COG5: variants seen among roughly 807,000 people sequenced by gnomAD.
COG5 encodes component of oligomeric golgi complex 5.
Under a neutral mutation model 110.4 loss-of-function variants are expected in COG5, and 86 were observed. The ratio of observed to expected loss-of-function variants is 0.78; its 90% CI spans 0.65 to 0.93. The LOEUF (loss-of-function observed/expected upper bound fraction) is 0.93, where lower values mean the gene tolerates loss of function less well. Ranked by LOEUF, COG5 falls within the 40% of genes least tolerant of loss-of-function variation. The pLI is 0.00. For synonymous variants in COG5, 360 were observed against 334.6 expected, an observed-to-expected ratio of 1.08 and a Z score of -0.83; for missense variants, 1,077 against 987.0, an observed-to-expected ratio of 1.09 and a Z score of -1.22.
chr7:107,286,832 CT>C (rs754918216), intron 12 of COG5, among the ~76,000 whole-genome samples: 2 of 152,190 alleles, frequency 1.3e-5, no homozygotes, highest in Middle Eastern at 3.4e-3. Context: ...TAATCTATCT[CT>C]TCTTATCCCA....
rs1421307642 is a variant in COG5, at chr7:107,264,281, G to GTT, written c.1576-5900_1576-5899dup. Among the ~76,000 whole-genome samples, 20 of 152,158 alleles carry GTT rather than the reference G, an allele frequency of 1.3e-4. No individual in the cohort carries two copies. In the East Asian group the frequency reaches 3.9e-3, roughly 29 times the overall value. On this transcript the variant is annotated intron_variant, in intron 14 of 21. Transcript: ENST00000297135. Reference sequence around the variant, plus strand: ...GCAATTCCCGATCTACATCACATCAGTTTTTTAGATATACAGTTCAATGAT... The same window carrying GTT: ...GCAATTCCCGATCTACATCACATCAGTTTTTTTTAGATATACAGTTCAATGAT...
At chr7:107,339,228 G>A (rs1327092713) in intron 10 of COG5, among the ~76,000 whole-genome samples, 1 of 151,898 alleles carries the variant, frequency 6.6e-6, no homozygotes, top group East Asian at 1.9e-4. Context: ...ACTGTTCTTA[G>A]GTCAGATAAA....
intron 18 of COG5, among the ~76,000 whole-genome samples, chr7:107,235,646 T>C (rs539099280): frequency 6.6e-5 from 10 of 152,278 alleles, no homozygotes; most frequent in African/African-American, 2.2e-4. Context: ...GAGGTTGCAG[T>C]GAGCTGAGAT....
chr7:107,414,742 T>C (rs959092664), intron 6 of COG5, among the ~76,000 whole-genome samples: 3 of 125,212 alleles, frequency 2.4e-5, no homozygotes, highest in South Asian at 2.6e-4. Context: ...TTTTTTTTTT[T>C]TCCGAGACTC....
chr7:107,553,768 A>C (rs964590996), intron 3 of COG5, among the ~76,000 whole-genome samples: 1 of 152,224 alleles, frequency 6.6e-6, no homozygotes, highest in Non-Finnish European at 1.5e-5. Context: ...GGCTCCAAGA[A>C]AGGCAAAAAT....
intron 17 of COG5, 64 bp downstream of exon 17, chr7:107,248,332 A>C (rs1802204745): frequency 2.0e-6 from 2 of 1,021,076 alleles, no homozygotes; most frequent in African/African-American, 3.1e-5. Flanking sequence ...GGGAGTAAGC[A>C]TAGAGGTGGG....
chr7:107,237,103 A>G (rs1264590990), intron 17 of COG5, among the ~76,000 whole-genome samples: 1 of 152,188 alleles, frequency 6.6e-6, no homozygotes, highest in Non-Finnish European at 1.5e-5. Context: ...ATGCTTTGCA[A>G]TGACAGAAAA....
chr7:107,511,051 G>A (rs2129143994), intron 6 of COG5, among the ~76,000 whole-genome samples: 1 of 149,476 alleles, frequency 6.7e-6, no homozygotes, highest in African/African-American at 2.4e-5. Flanking sequence ...AATCAGAGCA[G>A]AACTGAAGGA....
intron 7 of COG5, among the ~76,000 whole-genome samples, chr7:107,405,089 T>G (rs933688945): frequency 6.6e-6 from 1 of 152,122 alleles, no homozygotes; most frequent in Non-Finnish European, 1.5e-5. Context: ...ATAAACTGCT[T>G]GGTCTTACTA....
chr7:107,481,781 A>G (rs1797365726), intron 6 of COG5, among the ~76,000 whole-genome samples: 2 of 152,308 alleles, frequency 1.3e-5, no homozygotes, highest in South Asian at 4.1e-4. Flanking sequence ...ACAAAATGCT[A>G]GCAAACTGTA....
chr7:107,524,709 T>C (rs1163168222), intron 6 of COG5, among the ~76,000 whole-genome samples: 1 of 152,216 alleles, frequency 6.6e-6, no homozygotes, highest in East Asian at 1.9e-4. Context: ...TTTGCAAATA[T>C]TAAATCACAC....
Position 107,202,634 on chromosome 7 carries a change from C to A in COG5, c.*882G>T, listed in dbSNP as rs1001776785. On this transcript the variant is annotated 3_prime_UTR_variant, in exon 22 of 22. Transcript: ENST00000297135. The stretch of plus-strand genomic sequence containing the variant: ...TGAGATGGAAAACATAAGGCAAATT[C>A]CTAACACTGCTAATTAGGAGGCTGC... 1.1e-4 allele frequency: 17 copies of A among 152,118 alleles called. No homozygotes were observed. The highest frequency in any genetic ancestry group is 1.0e-3 in the Admixed American group (16 of 15,256). 9.4% of individuals were successfully genotyped at this position (152,118 alleles called of 1,614,324 possible).
rs904702211 is a variant in COG5 at position 107,202,907 on chromosome 7, G to C, written c.*609C>G. 2 of 152,434 alleles carry C rather than the reference G, an allele frequency of 1.3e-5. No homozygotes were observed. Among genetic ancestry groups the C allele is most frequent in the Non-Finnish European group, 2.9e-5 (2 of 68,502 alleles). 9.4% of individuals were successfully genotyped at this position (152,434 alleles called of 1,614,324 possible). Reference sequence around the variant, plus strand: ...ATACTTAAAAAGGCCATTTAACCTTGTATCTTAGCTTGGGATGTGCCAGTG... The same window carrying C: ...ATACTTAAAAAGGCCATTTAACCTTCTATCTTAGCTTGGGATGTGCCAGTG... On this transcript the variant is annotated 3_prime_UTR_variant, in exon 22 of 22. Transcript: ENST00000297135.
At chr7:107,539,194 C>T (rs1801804413) in intron 5 of COG5, among the ~76,000 whole-genome samples, 2 of 152,030 alleles carry the variant, frequency 1.3e-5, no homozygotes, top group Admixed American at 6.6e-5. Context: ...AGGCTGCACT[C>T]CAGCCTGGAT....
At chr7:107,328,412 G>C (rs1277023561) in intron 10 of COG5, among the ~76,000 whole-genome samples, 1 of 152,154 alleles carries the variant, frequency 6.6e-6, no homozygotes, top group African/African-American at 2.4e-5. Flanking sequence ...GTGTATGACT[G>C]TACTTACAAT....
chr7:107,449,825 C>A (rs566541105), intron 6 of COG5, among the ~76,000 whole-genome samples: 36 of 152,288 alleles, frequency 2.4e-4, no homozygotes, highest in African/African-American at 8.2e-4. Flanking sequence ...GCTACAGCAG[C>A]ACTTTTTGCA....
At position 107,210,404 on chromosome 7, in the gene COG5, C is replaced by A. The variant is rs941219133; in HGVS notation, c.2375+122G>T. 1.3e-5 allele frequency: 19 copies of A among 1,483,472 alleles called. 1 individual carries two copies. The South Asian group carries it at 2.4e-4, about 19-fold the overall frequency. 91.9% of individuals were successfully genotyped at this position (1,483,472 alleles called of 1,614,324 possible). A position where few individuals can be genotyped will look rare whatever the true frequency, so the allele number is the denominator to read the frequency against. The stretch of plus-strand genomic sequence containing the variant: ...CCCGTGCCTAGGCAGTGAGGTGGCC[C>A]GCCACTGGAAGGTGCAGTCACATGT... On this transcript the variant is annotated intron_variant, in intron 21 of 21. Transcript: ENST00000297135.
intron 10 of COG5, among the ~76,000 whole-genome samples, chr7:107,326,405 C>A (rs1809770873): frequency 6.6e-6 from 1 of 151,864 alleles, no homozygotes; most frequent in Non-Finnish European, 1.5e-5. Flanking sequence ...TGTAGATAAT[C>A]CTAGACTCCT....
chr7:107,282,312 G>A (rs1805233571), intron 13 of COG5, among the ~76,000 whole-genome samples: 1 of 152,120 alleles, frequency 6.6e-6, no homozygotes, highest in Non-Finnish European at 1.5e-5. Context: ...TTTGATTATA[G>A]CATTGTCAAG....
Sources: allele counts gnomAD v4.1 joint callset (sites outside exome capture counted in the v4.1 genomes callset), GRCh38; gene constraint gnomAD v4.1.1; transcripts MANE v1.5; gene names NCBI Gene and HGNC (gene_info 2026-07-23, HGNC 2026-07-21).